The following SWT1 variants were observed in gnomAD, a reference collection of about 807,000 sequenced individuals.
SWT1 encodes the protein SWT1 RNA endoribonuclease homolog.
SWT1 carries 33 observed loss-of-function variants against 107.3 expected under a neutral mutation model. The observed-to-expected ratio is 0.31, with a 90% CI of 0.23 to 0.41. The LOEUF (loss-of-function observed/expected upper bound fraction) is 0.41. SWT1 is among the 10% of genes least tolerant of loss of function. The pLI is 1.00. For missense variants in SWT1, 898 were observed against 1,028.9 expected, an observed-to-expected ratio of 0.87 and a Z score of 1.74; for synonymous variants, 345 against 348.3, an observed-to-expected ratio of 0.99 and a Z score of 0.11.
At chr1:185,175,629 A>G (rs1257609044) in intron 5 of SWT1, among the ~76,000 whole-genome samples, 2 of 152,110 alleles carry the variant, frequency 1.3e-5, no homozygotes, top group Non-Finnish European at 2.9e-5. Context: ...TTTAATTCCA[A>G]CTTTTTTAGG....
chr1:185,165,598 A>G (rs1654501582), intron 2 of SWT1, among the ~76,000 whole-genome samples: 1 of 152,188 alleles, frequency 6.6e-6, no homozygotes, highest in Non-Finnish European at 1.5e-5. Context: ...ATGTGGTCCT[A>G]TTAAAATATA....
At chr1:185,282,106 C>T (rs908275174) in intron 18 of SWT1, among the ~76,000 whole-genome samples, 3 of 152,164 alleles carry the variant, frequency 2.0e-5, no homozygotes, top group Admixed American at 2.0e-4. Context: ...TTTTGGTACT[C>T]ATTCTTTACC....
chr1:185,278,855 T>C (rs1664429944), intron 18 of SWT1, among the ~76,000 whole-genome samples: 1 of 152,226 alleles, frequency 6.6e-6, no homozygotes, highest in Non-Finnish European at 1.5e-5. Flanking sequence ...ATAACTTACC[T>C]GTGTACCTGT....
At position 185,174,456 on chromosome 1, in the gene SWT1, A is replaced by T; in HGVS notation, c.309A>T (p.Ser103=). ...GACCTATTAAACTCAAAGAAGCATC[A>T]TATTCAAATGATAATCAAATTATTT... is the stretch of plus-strand genomic sequence containing the variant. The part of the protein sequence containing the change: ...SQRPIKLKEA[S]YSNDNQIILQ... Residue 103 remains serine, a synonymous_variant, in exon 5 of 19, where the codon TCA becomes TCT. Transcript: ENST00000367500. 4.3e-6 allele frequency: 7 copies of T among 1,609,588 alleles called. No individual in the cohort carries two copies. Among genetic ancestry groups the T allele is most frequent in the Non-Finnish European group, 5.9e-6 (7 of 1,178,702 alleles).
At chr1:185,247,731 T>G (rs757551637) in intron 16 of SWT1, among the ~76,000 whole-genome samples, 5 of 152,218 alleles carry the variant, frequency 3.3e-5, no homozygotes, top group Admixed American at 6.5e-5. Flanking sequence ...TGTATGGCTC[T>G]CCTTTGTCTG....
chr1:185,205,713 G>C (rs537292567), intron 12 of SWT1, among the ~76,000 whole-genome samples: 1 of 152,242 alleles, frequency 6.6e-6, no homozygotes, highest in South Asian at 2.1e-4. Flanking sequence ...TATTCCAGCT[G>C]TTCTGTGAGA....
chr1:185,217,996 G>A (rs545887795), intron 14 of SWT1, among the ~76,000 whole-genome samples: 5 of 152,212 alleles, frequency 3.3e-5, no homozygotes, highest in South Asian at 2.1e-4. Context: ...CCGCTTACCC[G>A]TCCATGGAAA....
chr1:185,198,339 G>A (rs755630809), intron 10 of SWT1, among the ~76,000 whole-genome samples: 7 of 152,222 alleles, frequency 4.6e-5, no homozygotes, highest in Non-Finnish European at 1.0e-4. Flanking sequence ...TGCATTTGCT[G>A]AGGAGTGTTT....
At chr1:185,215,300 G>A (rs914970492) in intron 14 of SWT1, among the ~76,000 whole-genome samples, 5 of 151,968 alleles carry the variant, frequency 3.3e-5, no homozygotes, top group African/African-American at 1.2e-4. Context: ...CAGATAGGAT[G>A]CCCTTTTTCC....
At chr1:185,204,646 TATA>T in intron 11 of SWT1, 51 bp from the exon 12 acceptor site, 2 of 929,680 alleles carry the variant, frequency 2.2e-6, no homozygotes, top group Non-Finnish European at 3.2e-6. Context: ...TAATTATATG[TATA>T]ATAATTACTG....
At chr1:185,168,467 ATTTT>A (rs563618360) in intron 4 of SWT1, 69 bp downstream of exon 4, 3 of 988,160 alleles carry the variant, frequency 3.0e-6, no homozygotes, top group Non-Finnish European at 4.1e-6. Context: ...GGATTTAAAA[ATTTT>A]TTTTATTTAC....
chr1:185,240,898 A>T (rs532297263), intron 16 of SWT1, among the ~76,000 whole-genome samples: 1 of 152,210 alleles, frequency 6.6e-6, no homozygotes, highest in African/African-American at 2.4e-5. Flanking sequence ...AACAGACCAT[A>T]TATGGTATAT....
intron 16 of SWT1, among the ~76,000 whole-genome samples, chr1:185,249,110 ATCTCCAGCCTCTAAGGCTGGC>A (rs1661824916): frequency 6.6e-6 from 1 of 152,144 alleles, no homozygotes; most frequent in Non-Finnish European, 1.5e-5. Flanking sequence ...TAGAGGCTGG[ATCTCCAGCCTCTAAGGCTGGC>A]TGATGCTGCC....
intron 6 of SWT1, among the ~76,000 whole-genome samples, chr1:185,180,900 G>A (rs1391676354): frequency 6.6e-6 from 1 of 152,210 alleles, no homozygotes; most frequent in Non-Finnish European, 1.5e-5. Context: ...TCCCCTGACT[G>A]ATCTTCATAG....
At chr1:185,158,505 ATTTC>A (rs1210390170) in intron 1 of SWT1, among the ~76,000 whole-genome samples, 3 of 144,670 alleles carry the variant, frequency 2.1e-5, no homozygotes, top group Admixed American at 6.8e-5. Flanking sequence ...TCTTGTTCTC[ATTTC>A]TTTTTTTTTT....
chr1:185,180,695 C>T (rs1254182432), intron 6 of SWT1, among the ~76,000 whole-genome samples: 2 of 152,116 alleles, frequency 1.3e-5, no homozygotes, highest in African/African-American at 4.8e-5. Flanking sequence ...ACCAGTGGCC[C>T]ACAAGTAATC....
chr1:185,171,776 G>A (rs369027123), intron 4 of SWT1: 1 of 385,928 alleles, frequency 2.6e-6, no homozygotes, highest in Non-Finnish European at 5.0e-6. Flanking sequence ...CAGTGGCACA[G>A]TCTCGGCTCA....
chr1:185,219,532 T>C (rs952746318), intron 14 of SWT1, among the ~76,000 whole-genome samples: 1 of 152,186 alleles, frequency 6.6e-6, no homozygotes, highest in Non-Finnish European at 1.5e-5. Flanking sequence ...AAATAATCAT[T>C]TTATCACAGG....
chr1:185,190,480 C>A, intron 9 of SWT1, 69 bp from the exon 10 acceptor site: 1 of 882,950 alleles, frequency 1.1e-6, no homozygotes. Context: ...GTAAATACAG[C>A]CTAGATTATT....
Sources: gnomAD v4.1 joint callset for allele counts (sites outside exome capture counted in the v4.1 genomes callset) on GRCh38, gnomAD v4.1.1 for gene constraint, MANE v1.5 for transcripts, NCBI Gene and HGNC (gene_info 2026-07-23, HGNC 2026-07-21) for gene names.